The following ARID4B variants were observed in gnomAD, a reference collection of about 807,000 sequenced individuals.
The protein encoded by ARID4B is AT-rich interactive domain-containing protein 4B.
Under a neutral mutation model 147.5 loss-of-function variants are expected in ARID4B, and 26 were observed. The ratio of observed to expected loss-of-function variants is 0.18; its 90% CI spans 0.13 to 0.24. ARID4B has a LOEUF of 0.24. Among genes scored for constraint, ARID4B ranks in the 10% least tolerant of loss-of-function variants. The pLI is 1.00. For missense variants in ARID4B, 1,179 were observed against 1,511.5 expected (o/e 0.78, Z 3.65); for synonymous variants, 512 against 507.9 (o/e 1.01, Z -0.11).
chr1:235,300,446 T>C (rs1673038798), intron 2 of ARID4B, among the ~76,000 whole-genome samples: 1 of 151,376 alleles, frequency 6.6e-6, no homozygotes, highest in East Asian at 1.9e-4. Context: ...AAACAGACTC[T>C]GGAGGTCAAA....
At chr1:235,207,904 A>G (rs1666428613) in intron 17 of ARID4B, among the ~76,000 whole-genome samples, 1 of 152,184 alleles carries the variant, frequency 6.6e-6, no homozygotes, top group East Asian at 1.9e-4. Context: ...TATTTAGCAT[A>G]ATTTAGCTTA....
At chr1:235,195,992 T>C (rs1665465081) in intron 18 of ARID4B, 39 bp downstream of exon 18, 2 of 1,273,964 alleles carry the variant, frequency 1.6e-6, no homozygotes, top group Admixed American at 2.1e-5. Context: ...AAAACTTCTT[T>C]TTAAGAGCTA....
At chr1:235,316,581 C>T (rs1259248167) in intron 2 of ARID4B, among the ~76,000 whole-genome samples, 1 of 151,768 alleles carries the variant, frequency 6.6e-6, no homozygotes, top group Non-Finnish European at 1.5e-5. Flanking sequence ...CTTTGGGAGG[C>T]TGAGGCAGGA....
intron 20 of ARID4B, among the ~76,000 whole-genome samples, chr1:235,179,476 T>C (rs955800079): frequency 7.6e-6 from 1 of 131,754 alleles, no homozygotes; most frequent in African/African-American, 2.8e-5. Context: ...TGAACCAAGA[T>C]TGCACCACTG....
intron 2 of ARID4B, among the ~76,000 whole-genome samples, chr1:235,272,754 C>T (rs1170046988): frequency 6.6e-6 from 1 of 151,410 alleles, no homozygotes; most frequent in African/African-American, 2.4e-5. Flanking sequence ...CATACAATAC[C>T]AATGTGGCCT....
At chr1:235,285,645 A>C (rs775591395) in intron 2 of ARID4B, among the ~76,000 whole-genome samples, 1 of 152,366 alleles carries the variant, frequency 6.6e-6, no homozygotes, top group South Asian at 2.1e-4. Context: ...TTGGACATGA[A>C]GAATAGTAGC....
chr1:235,193,441 T>C (rs1390789018), intron 19 of ARID4B, among the ~76,000 whole-genome samples: 1 of 152,216 alleles, frequency 6.6e-6, no homozygotes, highest in Non-Finnish European at 1.5e-5. Flanking sequence ...CAAACAAAGT[T>C]TGGTGTTCTT....
At chr1:235,263,141 T>A (rs1414559423) in intron 2 of ARID4B, among the ~76,000 whole-genome samples, 1 of 152,198 alleles carries the variant, frequency 6.6e-6, no homozygotes, top group African/African-American at 2.4e-5. Flanking sequence ...TCTGCCATAC[T>A]AGCCAGTAAA....
At chr1:235,311,343 C>A (rs1038742573) in intron 2 of ARID4B, among the ~76,000 whole-genome samples, 9 of 142,810 alleles carry the variant, frequency 6.3e-5, no homozygotes, top group Non-Finnish European at 1.1e-4. Context: ...CAGAGCAAGA[C>A]CCTGTCTCAA....
intron 20 of ARID4B, chr1:235,180,522 A>G (rs1218832062): frequency 6.6e-6 from 1 of 152,184 alleles, no homozygotes; most frequent in East Asian, 1.9e-4. Context: ...ATGCCTGGAT[A>G]GTTCAGTTGC....
intron 9 of ARID4B, among the ~76,000 whole-genome samples, chr1:235,231,583 C>A (rs552816609): frequency 6.6e-6 from 1 of 152,138 alleles, no homozygotes; most frequent in Non-Finnish European, 1.5e-5. Context: ...ACCTCCCAGG[C>A]TCAAGCGATT....
intron 19 of ARID4B, 122 bp from the exon 20 acceptor site, chr1:235,182,915 T>C: frequency 1.2e-6 from 1 of 864,854 alleles, no homozygotes; most frequent in Non-Finnish European, 1.7e-6. Context: ...CTGGCTTTTA[T>C]CTCTATGTAA....
At chr1:235,287,844 C>T (rs1475288772) in intron 2 of ARID4B, among the ~76,000 whole-genome samples, 1 of 152,194 alleles carries the variant, frequency 6.6e-6, no homozygotes. Flanking sequence ...CTTCTCTGTT[C>T]CCACATCCCT....
intron 17 of ARID4B, among the ~76,000 whole-genome samples, chr1:235,211,486 G>C (rs1163610862): frequency 1.3e-5 from 2 of 152,116 alleles, no homozygotes; most frequent in Non-Finnish European, 2.9e-5. Flanking sequence ...ATGTAAACTA[G>C]CAAAATAATC....
intron 19 of ARID4B, among the ~76,000 whole-genome samples, chr1:235,193,545 A>T (rs1385541078): frequency 3.3e-5 from 5 of 152,024 alleles, no homozygotes; most frequent in African/African-American, 1.2e-4. Context: ...AGAAAAGATT[A>T]AAAAACTAAA....
chr1:235,271,003 T>C (rs1306672387), intron 2 of ARID4B, among the ~76,000 whole-genome samples: 3 of 152,072 alleles, frequency 2.0e-5, no homozygotes, highest in Non-Finnish European at 4.4e-5. Context: ...CATTTTTTAG[T>C]ATAACAAGTC....
At chr1:235,239,291 T>C (rs1466842451) in intron 8 of ARID4B, among the ~76,000 whole-genome samples, 1 of 152,166 alleles carries the variant, frequency 6.6e-6, no homozygotes, top group African/African-American at 2.4e-5. Flanking sequence ...TCTTAAGAGA[T>C]ACTGATTATT....
chr1:235,185,345 T>C (rs557519340), intron 19 of ARID4B, among the ~76,000 whole-genome samples: 2 of 152,352 alleles, frequency 1.3e-5, no homozygotes, highest in African/African-American at 4.8e-5. Flanking sequence ...ACTACTTTTC[T>C]GCATGTTACA....
intron 10 of ARID4B, 78 bp from the exon 11 acceptor site, chr1:235,229,463 G>C: frequency 4.2e-5 from 43 of 1,021,418 alleles, no homozygotes; most frequent in Admixed American, 2.4e-5. Context: ...ACACGATAAA[G>C]AAATAAAAAC....
Sources: allele counts gnomAD v4.1 joint callset (sites outside exome capture counted in the v4.1 genomes callset), GRCh38; gene constraint gnomAD v4.1.1; transcripts MANE v1.5; gene names NCBI Gene and HGNC (gene_info 2026-07-23, HGNC 2026-07-21).